Variants in PPP1R16B observed in about 807,000 individuals in gnomAD.
PPP1R16B encodes protein phosphatase 1 regulatory subunit 16B.
PPP1R16B carries 14 observed loss-of-function variants against 61.7 expected under a neutral mutation model. The ratio of observed to expected loss-of-function variants is 0.23; its 90% CI spans 0.15 to 0.35. The LOEUF (loss-of-function observed/expected upper bound fraction) is 0.35. Ranked by LOEUF, PPP1R16B falls within the 10% of genes least tolerant of loss-of-function variation. PPP1R16B has a pLI of 1.00. For missense variants in PPP1R16B, 547 were observed against 752.5 expected (o/e 0.73, Z 3.19); for synonymous variants, 266 against 305.3 (o/e 0.87, Z 1.34).
At chr20:38,810,439 G>T (rs956608898) in intron 1 of PPP1R16B, among the ~76,000 whole-genome samples, 3 of 152,222 alleles carry the variant, frequency 2.0e-5, no homozygotes, top group Non-Finnish European at 4.4e-5. Context: ...ATTAACTTTT[G>T]CATGGGAGGA....
intron 2 of PPP1R16B, among the ~76,000 whole-genome samples, chr20:38,867,038 G>C (rs2085095249): frequency 6.6e-6 from 1 of 152,112 alleles, no homozygotes; most frequent in African/African-American, 2.4e-5. Context: ...CTTTCACTTG[G>C]CGTAATGTTT....
intron 2 of PPP1R16B, among the ~76,000 whole-genome samples, chr20:38,847,831 G>A (rs888415681): frequency 4.6e-5 from 7 of 152,162 alleles, no homozygotes; most frequent in African/African-American, 1.4e-4. Flanking sequence ...TCTGCAGTGC[G>A]TGTATGTGTT....
Position 38,834,012 on chromosome 20 carries a change from G to A in PPP1R16B, c.-101-1813G>A, listed in dbSNP as rs75676027. 8.5e-4 allele frequency among the ~76,000 whole-genome samples: 129 copies of A among 152,272 alleles called. No individual in the cohort carries two copies. In the East Asian group the frequency reaches 0.024, roughly 28 times the overall value. Reference sequence around the variant, plus strand: ...TTGAGACAGTGGACCACATCACACAGATGTAGACTCCTGCCATTCTTTCCT... The same window carrying A: ...TTGAGACAGTGGACCACATCACACAAATGTAGACTCCTGCCATTCTTTCCT... On this transcript the variant is annotated intron_variant, in intron 1 of 10. Transcript: ENST00000299824.
intron 2 of PPP1R16B, among the ~76,000 whole-genome samples, chr20:38,853,785 G>T (rs1364016781): frequency 6.6e-6 from 1 of 152,170 alleles, no homozygotes; most frequent in African/African-American, 2.4e-5. Context: ...GGTAGCTGCT[G>T]GGTCAGCCAG....
Position 38,907,511 on chromosome 20 carries a change from A to G in PPP1R16B, c.899-295A>G, listed in dbSNP as rs2085454071. Among the ~76,000 whole-genome samples the G allele has an allele frequency of 6.6e-6, 1 of 152,088 alleles. No individual in the cohort carries two copies. Among genetic ancestry groups the G allele is most frequent in the African/African-American group, 2.4e-5 (1 of 41,406 alleles). ...ATTTATTGCTTGGGCTATGTGGGGT[A>G]CCTGCTTGGGGACTCTTCTTGGAAA... On this transcript the variant is annotated intron_variant, in intron 8 of 10. Coordinates refer to ENST00000299824, the MANE Select transcript of PPP1R16B (RefSeq NM_015568.4). This position sits in a 1 kb window ranked among gnomAD's most constrained non-coding sequence, Gnocchi z 4.5.
intron 4 of PPP1R16B, among the ~76,000 whole-genome samples, chr20:38,899,202 G>C (rs1397311453): frequency 6.6e-6 from 1 of 152,212 alleles, no homozygotes; most frequent in African/African-American, 2.4e-5. Context: ...AAAGCTCAGA[G>C]AAGTCACAGT....
At chr20:38,876,794 T>G (rs1002126226) in intron 2 of PPP1R16B, among the ~76,000 whole-genome samples, 1 of 152,246 alleles carries the variant, frequency 6.6e-6, no homozygotes, top group Non-Finnish European at 1.5e-5. Context: ...GCTATCATTC[T>G]GCGGAAGGTT....
At chr20:38,867,029 T>C (rs2085095153) in intron 2 of PPP1R16B, among the ~76,000 whole-genome samples, 3 of 152,222 alleles carry the variant, frequency 2.0e-5, no homozygotes, top group Non-Finnish European at 2.9e-5. Flanking sequence ...GTCTGGCTTC[T>C]TTCACTTGGC....
chr20:38,908,277 G>T, intron 10 of PPP1R16B, 84 bp downstream of exon 10: 1 of 1,528,088 alleles, frequency 6.5e-7, no homozygotes, highest in South Asian at 1.2e-5. Flanking sequence ...CTCTTCAACT[G>T]AGAGCCTTCA....
chr20:38,885,806 T>C (rs998599779), intron 2 of PPP1R16B, among the ~76,000 whole-genome samples: 1 of 152,216 alleles, frequency 6.6e-6, no homozygotes, highest in Non-Finnish European at 1.5e-5. Context: ...GACAGAGTCT[T>C]GCTCCGTCGC....
At chr20:38,827,512 G>A (rs2084812062) in intron 1 of PPP1R16B, among the ~76,000 whole-genome samples, 1 of 152,242 alleles carries the variant, frequency 6.6e-6, no homozygotes, top group Non-Finnish European at 1.5e-5. Context: ...ACAGTGACAA[G>A]TCAGAGATCT....
intron 2 of PPP1R16B, among the ~76,000 whole-genome samples, chr20:38,883,824 G>C (rs1191529698): frequency 6.6e-6 from 1 of 152,188 alleles, no homozygotes; most frequent in South Asian, 2.1e-4. Flanking sequence ...GCTAACAGTA[G>C]CCAGGGCCTT....
intron 2 of PPP1R16B, among the ~76,000 whole-genome samples, chr20:38,863,132 C>T (rs538198846): frequency 1.3e-5 from 2 of 152,138 alleles, no homozygotes; most frequent in South Asian, 2.1e-4. Flanking sequence ...AGGAAGCCCA[C>T]CACCCAGGAG....
At chr20:38,892,477 C>T (rs2085299645) in intron 3 of PPP1R16B, among the ~76,000 whole-genome samples, 1 of 152,108 alleles carries the variant, frequency 6.6e-6, no homozygotes, top group Non-Finnish European at 1.5e-5. Flanking sequence ...GGGAGACATC[C>T]ACCCTCATTA....
chr20:38,835,622 A>G lies in PPP1R16B; in HGVS notation c.-101-203A>G, dbSNP rs556090176. Among the ~76,000 whole-genome samples the G allele has an allele frequency of 1.3e-3, 195 of 152,394 alleles. 4 individuals are homozygous for G. The South Asian group carries it at 0.038, about 30-fold the overall frequency. ...AATTGATTTAAATTTAAATAGCCAC[A>G]GGTGGCTACTGGCTGCTGCATTAGG... On this transcript the variant is annotated intron_variant, in intron 1 of 10. Transcript: ENST00000299824.
rs377152940 is a variant in PPP1R16B at position 38,831,589 on chromosome 20, T to C, written c.-101-4236T>C. Among the ~76,000 whole-genome samples, 14 of 152,158 alleles carry C rather than the reference T, an allele frequency of 9.2e-5. No homozygotes were observed. The East Asian group carries it at 1.9e-3, about 21-fold the overall frequency. On this transcript the variant is annotated intron_variant, in intron 1 of 10. Coordinates refer to ENST00000299824, the MANE Select transcript of PPP1R16B (RefSeq NM_015568.4). ...AGTCAGGCGGGAGTAATGGGGAGCA[T>C]TGGGGACTATGGTAATGGAGAGCGT...
intron 6 of PPP1R16B, 142 bp downstream of exon 6, chr20:38,902,934 TG>T: frequency 2.2e-6 from 3 of 1,345,808 alleles, no homozygotes; most frequent in Non-Finnish European, 3.0e-6. Flanking sequence ...GGATTGCCCC[TG>T]GATAGGGAGG....
chr20:38,852,045 C>CCG (rs1555804075), intron 2 of PPP1R16B, among the ~76,000 whole-genome samples: 1 of 149,520 alleles, frequency 6.7e-6, no homozygotes, highest in Non-Finnish European at 1.5e-5. Context: ...GCGGGGACGG[C>CCG]GGGGGGGGAA....
Position 38,922,925 on chromosome 20 carries a change from G to T in PPP1R16B, c.*4259G>T, listed in dbSNP as rs1442472848. ...ACTGTGGCTCAGCCACATCCCAAAG[G>T]GGGCACATGTCCCTGGAGTTGCTTC... On this transcript the variant is annotated 3_prime_UTR_variant, in exon 11 of 11. Coordinates refer to ENST00000299824, the MANE Select transcript of PPP1R16B (RefSeq NM_015568.4). 1 of 152,334 alleles carries T rather than the reference G, an allele frequency of 6.6e-6. No individual in the cohort carries two copies. The highest frequency in any genetic ancestry group is 1.5e-5 in the Non-Finnish European group (1 of 68,054). 9.4% of individuals were successfully genotyped at this position (152,334 alleles called of 1,614,324 possible). A position where few individuals can be genotyped will look rare whatever the true frequency, so the allele number is the denominator to read the frequency against.
Sources: gnomAD v4.1 joint callset for allele counts (sites outside exome capture counted in the v4.1 genomes callset) on GRCh38, gnomAD v4.1.1 for gene constraint, Gnocchi (gnomAD v3.1) non-coding constraint, MANE v1.5 for transcripts, NCBI Gene and HGNC (gene_info 2026-07-23, HGNC 2026-07-21) for gene names.